The following GDNF variants were observed in gnomAD, a reference collection of about 807,000 sequenced individuals.
GDNF encodes the protein glial cell line-derived neurotrophic factor.
In GDNF, 5 loss-of-function variants were observed where a neutral mutation model predicts 13.7. The ratio of observed to expected loss-of-function variants is 0.36; its 90% CI spans 0.19 to 0.77. The LOEUF is 0.77. GDNF is among the 30% of genes least tolerant of loss of function. The probability of loss-of-function intolerance (pLI) is 0.51; values close to 1 mark genes in which losing one functional copy is unlikely to be tolerated. For missense variants in GDNF, 246 were observed against 274.3 expected (o/e 0.90, Z 0.73); for synonymous variants, 122 against 112.5 (o/e 1.08, Z -0.53).
At chr5:37,835,582 C>T (rs1422365911) in intron 1 of GDNF, 3 of 1,510,208 alleles carry the variant, frequency 2.0e-6, no homozygotes, top group African/African-American at 2.8e-5. Context: ...CATTAAATCA[C>T]GCATGACAAG....
chr5:37,835,591 A>G, intron 1 of GDNF: 1 of 1,523,290 alleles, frequency 6.6e-7, no homozygotes, highest in Non-Finnish European at 8.9e-7. Context: ...ACGCATGACA[A>G]GCTCTAGCGG....
Position 37,839,630 on chromosome 5 carries a change from G to C in GDNF, c.-150C>G, listed in dbSNP as rs1194434767. 1 of 152,280 alleles carries C rather than the reference G, an allele frequency of 6.6e-6. No homozygotes were observed. The highest frequency in any genetic ancestry group is 1.5e-5 in the Non-Finnish European group (1 of 68,098). The allele number at this position is 152,280 out of a possible 1,614,324, so 9.4% of individuals were successfully genotyped here. ...GCCCCGCCCAACAGGTCAGGGGCAA[G>C]AGTTCGCAATCCTGGGGTCGCGCGG... On this transcript the variant is annotated 5_prime_UTR_variant, in exon 1 of 3. Coordinates refer to ENST00000326524, the MANE Select transcript of GDNF (RefSeq NM_000514.4). The surrounding 1 kb of genome is among the most constrained non-coding windows in gnomAD (Gnocchi z 5.5).
intron 2 of GDNF, among the ~76,000 whole-genome samples, chr5:37,829,554 GA>G (rs1750444815): frequency 6.6e-6 from 1 of 152,172 alleles, no homozygotes. Context: ...CCCAGTACAT[GA>G]AAGATATTTA....
intron 2 of GDNF, chr5:37,824,186 C>T (rs986000277): frequency 8.2e-6 from 2 of 244,696 alleles, no homozygotes; most frequent in Admixed American, 6.5e-5. Flanking sequence ...CTTCAGTTTC[C>T]ATCTGTAAAA....
intron 2 of GDNF, among the ~76,000 whole-genome samples, chr5:37,832,269 T>C (rs1030282206): frequency 1.3e-5 from 2 of 152,238 alleles, no homozygotes; most frequent in South Asian, 2.1e-4. Context: ...GGTGACTTAA[T>C]GTTTTTCTAC....
intron 2 of GDNF, among the ~76,000 whole-genome samples, 161 bp from the exon 3 acceptor site, chr5:37,816,296 C>G (rs997333127): frequency 1.3e-5 from 2 of 152,090 alleles, no homozygotes; most frequent in Admixed American, 6.5e-5. Context: ...AAAACAGAGG[C>G]AAAAATGCAC....
At chr5:37,834,142 G>A (rs550362850) in intron 2 of GDNF, among the ~76,000 whole-genome samples, 2 of 152,348 alleles carry the variant, frequency 1.3e-5, no homozygotes, top group Admixed American at 6.5e-5. Context: ...GGAAATGGAG[G>A]CCCTTCTGTG....
chr5:37,823,078 CACA>C (rs1750196260), intron 2 of GDNF, among the ~76,000 whole-genome samples: 1 of 152,198 alleles, frequency 6.6e-6, no homozygotes, highest in Admixed American at 6.5e-5. Context: ...CCTACTTTCA[CACA>C]ACATTAACTT....
rs35669631 is a variant in GDNF at position 37,812,819 on chromosome 5, CG to C, written c.*2831del. 43,136 of 152,066 alleles carry C rather than the reference CG, an allele frequency of 0.28. 6,904 individuals carry two copies. Among genetic ancestry groups the C allele is most frequent in the Non-Finnish European group, 0.37 (25,336 of 67,910 alleles). The allele number at this position is 152,066 out of a possible 1,614,324, so 9.4% of individuals were successfully genotyped here. ...AACTTCCAAACAAGTGCACTCCTTA[CG>C]GTATCAGATGGTGATCGCAATGATA... On this transcript the variant is annotated 3_prime_UTR_variant, in exon 3 of 3. Coordinates refer to ENST00000326524, the MANE Select transcript of GDNF (RefSeq NM_000514.4).
chr5:37,834,844 G>A (rs370282716), intron 1 of GDNF, 22 bp from the exon 2 acceptor site: 13 of 1,609,572 alleles, frequency 8.1e-6, no homozygotes, highest in South Asian at 6.6e-5. Context: ...GGCGGGAGGT[G>A]GGGGAGAGAA....
chr5:37,833,867 C>A (rs529591909), intron 2 of GDNF, among the ~76,000 whole-genome samples: 43 of 152,256 alleles, frequency 2.8e-4, no homozygotes, highest in Middle Eastern at 6.8e-3. Flanking sequence ...GGAGGGAAAA[C>A]GAGATCACAT....
chr5:37,830,606 C>T (rs1016932186), intron 2 of GDNF, among the ~76,000 whole-genome samples: 4 of 152,104 alleles, frequency 2.6e-5, no homozygotes, highest in African/African-American at 4.8e-5. Context: ...TGGCAGATGT[C>T]GTAGCGGAAG....
At position 37,815,485 on chromosome 5, in the gene GDNF, C is replaced by T. The variant is rs1398910349; in HGVS notation, c.*166G>A. On this transcript the variant is annotated 3_prime_UTR_variant, in exon 3 of 3. Transcript: ENST00000326524. This position sits in a 1 kb window ranked among gnomAD's most constrained non-coding sequence, Gnocchi z 5.0. ...CTCTACCAGGCTCCCATGATGGCTG[C>T]CTTCCTCCTCCTCCTCCTCCTCCTC... is the stretch of plus-strand genomic sequence containing the variant. The T allele has an allele frequency of 3.2e-6, 2 of 630,966 alleles. No homozygotes were observed. The highest frequency in any genetic ancestry group is 5.6e-6 in the Non-Finnish European group (2 of 360,258). The allele number at this position is 630,966 out of a possible 1,614,324, so 39.1% of individuals were successfully genotyped here. A position where few individuals can be genotyped will look rare whatever the true frequency, so the allele number is the denominator to read the frequency against.
chr5:37,832,909 C>T (rs1313991226), intron 2 of GDNF, among the ~76,000 whole-genome samples: 3 of 152,184 alleles, frequency 2.0e-5, no homozygotes, highest in Non-Finnish European at 4.4e-5. Flanking sequence ...TTAGGAGATT[C>T]TTCCCAAAGG....
intron 2 of GDNF, among the ~76,000 whole-genome samples, chr5:37,820,672 A>G (rs1411417989): frequency 6.6e-6 from 1 of 152,168 alleles, no homozygotes; most frequent in Non-Finnish European, 1.5e-5. Context: ...GAGGCTATGC[A>G]TGTGTAGGGG....
At chr5:37,834,624 G>A (rs1462972590) in intron 2 of GDNF, 22 bp downstream of exon 2, 5 of 1,481,334 alleles carry the variant, frequency 3.4e-6, no homozygotes, top group African/African-American at 1.5e-5. Context: ...CGGCCCCCCC[G>A]CGGGGAGGGA....
intron 2 of GDNF, among the ~76,000 whole-genome samples, chr5:37,832,611 A>G (rs1465263761): frequency 1.3e-5 from 2 of 152,212 alleles, no homozygotes; most frequent in Admixed American, 6.5e-5. Context: ...ACACAGCATC[A>G]ATTTTGGAAA....
At chr5:37,834,845 G>C (rs774587658) in intron 1 of GDNF, 23 bp from the exon 2 acceptor site, 1 of 1,609,874 alleles carries the variant, frequency 6.2e-7, no homozygotes, top group Non-Finnish European at 8.5e-7. Flanking sequence ...GCGGGAGGTG[G>C]GGGAGAGAAC....
Position 37,838,534 on chromosome 5 carries a change from G to T in GDNF, c.-27+973C>A, listed in dbSNP as rs1402393189. ...GTCCCCGCCTATGAGCAGAAGGGTC[G>T]CGAGCTCTGGGATGGGTAAGCCCCC... On this transcript the variant is annotated intron_variant, in intron 1 of 2. Coordinates refer to ENST00000326524, the MANE Select transcript of GDNF (RefSeq NM_000514.4). This position sits in a 1 kb window ranked among gnomAD's most constrained non-coding sequence, Gnocchi z 4.1. 1.3e-5 allele frequency among the ~76,000 whole-genome samples: 2 copies of T among 152,220 alleles called. No individual in the cohort carries two copies. The highest frequency in any genetic ancestry group is 4.8e-5 in the African/African-American group (2 of 41,464).
Sources: allele counts gnomAD v4.1 joint callset (sites outside exome capture counted in the v4.1 genomes callset), GRCh38; gene constraint gnomAD v4.1.1; non-coding constraint Gnocchi (gnomAD v3.1); transcripts MANE v1.5; gene names NCBI Gene and HGNC (gene_info 2026-07-23, HGNC 2026-07-21).